The following DNM2 variants were observed in gnomAD, a reference collection of about 807,000 sequenced individuals.
DNM2 encodes dynamin 2.
Under a neutral mutation model 99.0 loss-of-function variants are expected in DNM2, and 15 were observed. The observed-to-expected ratio is 0.15, with a 90% CI of 0.10 to 0.23. DNM2 has a LOEUF of 0.23. DNM2 is among the 10% of genes least tolerant of loss of function. DNM2 has a pLI of 1.00. For missense variants in DNM2, 742 were observed against 1,189.4 expected (o/e 0.62, Z 5.53); for synonymous variants, 525 against 481.2 (o/e 1.09, Z -1.19).
chr19:10,726,230 AT>A (rs5827110), intron 1 of DNM2, among the ~76,000 whole-genome samples: 103,992 of 143,534 alleles, frequency 0.72, 38,614 homozygotes, highest in African/African-American at 0.86. Flanking sequence ...AAAAAAAAAA[AT>A]TTTTTTTTTT....
Position 10,831,187 on chromosome 19 carries a change from CGGTCCAGGGCCG to C in DNM2, c.*142_*153del, listed in dbSNP as rs1568326045. On this transcript the variant is annotated 3_prime_UTR_variant, in exon 21 of 21. Coordinates refer to ENST00000389253, the MANE Select transcript of DNM2 (RefSeq NM_001005361.3). This position sits in a 1 kb window ranked among gnomAD's most constrained non-coding sequence, Gnocchi z 4.3. ...CTGGCCTCTTCCTTAACGCTGGCCC[CGGTCCAGGGCCG>C]GCCCCTGTGCCTGGCTGGACACCGC... 7.1e-7 allele frequency: 1 copy of C among 1,405,396 alleles called. No individual in the cohort carries two copies. Among genetic ancestry groups the C allele is most frequent in the African/African-American group, 1.5e-5 (1 of 67,378 alleles). The allele number at this position is 1,405,396 out of a possible 1,614,324, so 87.1% of individuals were successfully genotyped here.
At chr19:10,727,848 T>G (rs2069164514) in intron 1 of DNM2, among the ~76,000 whole-genome samples, 1 of 152,020 alleles carries the variant, frequency 6.6e-6, no homozygotes, top group Non-Finnish European at 1.5e-5. Flanking sequence ...TGAAAAAAAG[T>G]GAGAACATCA....
rs77603768 is a variant in DNM2 at position 10,831,887 on chromosome 19, G to A, written c.*840G>A. 478 of 1,028,754 alleles carry A rather than the reference G, an allele frequency of 4.6e-4. 3 individuals carry two copies. The African/African-American group carries it at 7.6e-3, about 16-fold the overall frequency. The allele number at this position is 1,028,754 out of a possible 1,614,324, so 63.7% of individuals were successfully genotyped here. ...ATTCTATTAATAAACTAAAATAAAG[G>A]GAAGACGCTGCTGGTGGCTGCTGTG... On this transcript the variant is annotated 3_prime_UTR_variant, in exon 21 of 21. Transcript: ENST00000389253. This position sits in a 1 kb window ranked among gnomAD's most constrained non-coding sequence, Gnocchi z 4.3.
Position 10,759,826 on chromosome 19 carries a change from C to T in DNM2, c.235+15C>T. On this transcript the variant is annotated intron_variant, in intron 2 of 20. Coordinates refer to ENST00000389253, the MANE Select transcript of DNM2 (RefSeq NM_001005361.3). ...CTCAAAAACAGGTAAAATGGGGCGG[C>T]CTGAGGTTCAGCAGGAAGTGGATGT... The T allele has an allele frequency of 6.2e-7, 1 of 1,614,084 alleles. No homozygotes were observed. Among genetic ancestry groups the T allele is most frequent in the Non-Finnish European group, 8.5e-7 (1 of 1,180,016 alleles).
In DNM2 at chr19:10,831,419, C is replaced by T. The variant is rs1024032256; in HGVS notation, c.*372C>T. ...ATGTAGGGCAGGCCTTCTATAAGTG[C>T]GGGCACCAAGGGCGCCTACATCCCC... On this transcript the variant is annotated 3_prime_UTR_variant, in exon 21 of 21. Coordinates refer to ENST00000389253, the MANE Select transcript of DNM2 (RefSeq NM_001005361.3). This position sits in a 1 kb window ranked among gnomAD's most constrained non-coding sequence, Gnocchi z 4.3. 13 of 1,029,460 alleles carry T rather than the reference C, an allele frequency of 1.3e-5. No homozygotes were observed. The highest frequency in any genetic ancestry group is 1.7e-4 in the East Asian group (2 of 12,018). The allele number at this position is 1,029,460 out of a possible 1,614,324, so 63.8% of individuals were successfully genotyped here.
intron 1 of DNM2, among the ~76,000 whole-genome samples, chr19:10,755,778 CTT>C (rs1227308295): frequency 1.3e-5 from 2 of 152,112 alleles, no homozygotes; most frequent in African/African-American, 4.8e-5. Flanking sequence ...ATTCTCGTGT[CTT>C]AGCCTCCCGA....
chr19:10,827,867 CAAAAAAAAAGA>C (rs763451666), intron 18 of DNM2, among the ~76,000 whole-genome samples: 252 of 140,200 alleles, frequency 1.8e-3, no homozygotes, highest in Non-Finnish European at 2.0e-3. Flanking sequence ...GACTCTGTCT[CAAAAAAAAAGA>C]AAAAAAAAAG....
intron 1 of DNM2, among the ~76,000 whole-genome samples, chr19:10,743,111 G>A (rs1028231842): frequency 6.6e-6 from 1 of 151,496 alleles, no homozygotes; most frequent in African/African-American, 2.4e-5. Flanking sequence ...TCATCATGTT[G>A]CCCAGGCTGG....
intron 1 of DNM2, among the ~76,000 whole-genome samples, chr19:10,758,343 T>TCCTTCCTTCCCTCCTTCCTTCCTTCCC (rs2070478413): frequency 1.4e-4 from 1 of 7,168 alleles, no homozygotes; most frequent in African/African-American, 4.8e-4. Flanking sequence ...CCTTCCCTCC[T>TCCTTCCTTCCCTCCTTCCTTCCTTCCC]TCCTTCCCTC....
At chr19:10,766,194 G>T (rs1374791894) in intron 2 of DNM2, among the ~76,000 whole-genome samples, 1 of 152,194 alleles carries the variant, frequency 6.6e-6, no homozygotes, top group Non-Finnish European at 1.5e-5. Flanking sequence ...CTGAAGGCAG[G>T]TCTTCCCAGC....
At chr19:10,767,871 A>C (rs1209430031) in intron 2 of DNM2, among the ~76,000 whole-genome samples, 3 of 152,058 alleles carry the variant, frequency 2.0e-5, no homozygotes, top group African/African-American at 7.2e-5. Flanking sequence ...TCACTACTGC[A>C]CTCCAGCCTG....
chr19:10,802,271 C>A lies in DNM2; in HGVS notation c.1423-17C>A. 6.2e-7 allele frequency: 1 copy of A among 1,614,048 alleles called. No individual in the cohort carries two copies. The highest frequency in any genetic ancestry group is 8.5e-7 in the Non-Finnish European group (1 of 1,179,958). ...AGGCTTGGCCTTGTACTCACAGTGA[C>A]CCCCGCTCTCCCCCAGATTCTTCTG... On this transcript the variant is annotated splice_polypyrimidine_tract_variant and intron_variant, in intron 11 of 20. Coordinates refer to ENST00000389253, the MANE Select transcript of DNM2 (RefSeq NM_001005361.3).
chr19:10,723,020 G>A (rs1338414929), intron 1 of DNM2, among the ~76,000 whole-genome samples: 1 of 151,160 alleles, frequency 6.6e-6, no homozygotes, highest in Non-Finnish European at 1.5e-5. Flanking sequence ...AGGCTGGAGT[G>A]CAGTGGTGCG....
intron 15 of DNM2, among the ~76,000 whole-genome samples, chr19:10,815,066 A>G (rs2072687721): frequency 6.6e-6 from 1 of 152,246 alleles, no homozygotes; most frequent in Non-Finnish European, 1.5e-5. Flanking sequence ...ACAGAGGCCC[A>G]AAATGAAGGC....
chr19:10,790,538 T>C (rs562371977), intron 7 of DNM2, among the ~76,000 whole-genome samples: 13 of 152,310 alleles, frequency 8.5e-5, no homozygotes, highest in African/African-American at 2.9e-4. Context: ...AGTGGCATGA[T>C]CTCAGCTCAC....
chr19:10,783,737 G>T (rs2071461382), intron 6 of DNM2, among the ~76,000 whole-genome samples: 1 of 149,442 alleles, frequency 6.7e-6, no homozygotes, highest in Non-Finnish European at 1.5e-5. Context: ...GTCTCACTCT[G>T]TCACCTAGGC....
At chr19:10,773,339 G>A (rs1818665500) in intron 3 of DNM2, among the ~76,000 whole-genome samples, 1 of 151,678 alleles carries the variant, frequency 6.6e-6, no homozygotes, top group Admixed American at 6.6e-5. Context: ...AGTAGAGATG[G>A]GATTTCACCA....
intron 11 of DNM2, among the ~76,000 whole-genome samples, chr19:10,800,770 C>G (rs1054554789): frequency 6.6e-6 from 1 of 152,230 alleles, no homozygotes; most frequent in Non-Finnish European, 1.5e-5. Context: ...TGCCTGGATC[C>G]ATGGTTCCCA....
intron 1 of DNM2, among the ~76,000 whole-genome samples, chr19:10,730,771 G>A: frequency 6.6e-6 from 1 of 152,238 alleles, no homozygotes; most frequent in East Asian, 1.9e-4. Flanking sequence ...CCTCCAGGGT[G>A]GGAGTGAGGC....
Sources: gnomAD v4.1 joint callset for allele counts (sites outside exome capture counted in the v4.1 genomes callset) on GRCh38, gnomAD v4.1.1 for gene constraint, Gnocchi (gnomAD v3.1) non-coding constraint, MANE v1.5 for transcripts, NCBI Gene and HGNC (gene_info 2026-07-23, HGNC 2026-07-21) for gene names.